EML5: variants seen among roughly 807,000 people sequenced by gnomAD.
The protein encoded by EML5 is echinoderm microtubule-associated protein-like 5.
A neutral mutation model predicts 250.0 loss-of-function variants in EML5; 120 were observed. The ratio of observed to expected loss-of-function variants is 0.48; its 90% confidence interval spans 0.41 to 0.56. The LOEUF is 0.56. Among genes scored for constraint, EML5 ranks in the 20% least tolerant of loss-of-function variants. The probability of loss-of-function intolerance (pLI) is 0.00; values close to 1 mark genes in which losing one functional copy is unlikely to be tolerated. For missense variants in EML5, 2,006 were observed against 2,437.6 expected, an observed-to-expected ratio of 0.82 and a Z score of 3.73; for synonymous variants, 771 against 806.5, an observed-to-expected ratio of 0.96 and a Z score of 0.75.
rs779442335 is a variant in EML5, at chr14:88,708,717, C to T, written c.1658-2291G>A. Among the ~76,000 whole-genome samples the T allele has an allele frequency of 3.9e-5, 6 of 152,016 alleles. No individual in the cohort carries two copies. The East Asian group carries it at 5.8e-4, about 15-fold the overall frequency. Reference sequence around the variant, plus strand: ...AGTGCTTGAGCATCATTTAATAGCACGGAAGTCTGAGCATTCCACCAAACC... The same window carrying T: ...AGTGCTTGAGCATCATTTAATAGCATGGAAGTCTGAGCATTCCACCAAACC... On this transcript the variant is annotated intron_variant, in intron 10 of 43. Transcript: ENST00000554922.
chr14:88,618,313 T>C lies in EML5; in HGVS notation c.5557A>G (p.Lys1853Glu), dbSNP rs1381726137. 1.9e-6 allele frequency: 3 copies of C among 1,613,742 alleles called. No homozygotes were observed. Among genetic ancestry groups the C allele is most frequent in the Non-Finnish European group, 8.5e-7 (1 of 1,179,852 alleles). The change falls in exon 41 of 44, where the codon AAA (lysine) becomes GAA (glutamate). Residue 1853 changes from lysine to glutamate, a missense_variant. Physicochemically the swap from Lys to Glu is moderately conservative, Grantham distance 56. Around this residue, in one of 7 missense-constraint regions of EML5, gnomAD observed 405 missense variants for 523.3 expected, o/e 0.77. Coordinates refer to ENST00000554922, the MANE Select transcript of EML5 (RefSeq NM_183387.3). The part of the protein sequence containing the change: ...SYLQVSSGCY[K>E]RHVYEVPSGK... ...GAAGGCACTTCATAGACATGCCGTT[T>C]ATAGCAGCCACTAGAGACCTTTTTC... is the stretch of plus-strand genomic sequence containing the variant.
chr14:88,762,366 G>C (rs7148308), intron 1 of EML5, among the ~76,000 whole-genome samples: 97,377 of 151,980 alleles, frequency 0.64, 33,269 homozygotes, highest in East Asian at 0.94. Flanking sequence ...AAAAATTAGC[G>C]GGTTGTGGTG....
At position 88,792,160 on chromosome 14, in the gene EML5, G is replaced by A. The variant is rs1336947418; in HGVS notation, c.197+147C>T. 3 of 918,960 alleles carry A rather than the reference G, an allele frequency of 3.3e-6. No individual in the cohort carries two copies. The highest frequency in any genetic ancestry group is 2.9e-5 in the East Asian group (1 of 34,330). The allele number at this position is 918,960 out of a possible 1,614,324, so 56.9% of individuals were successfully genotyped here. ...GAAAGGCATTTGTAGGGTGTTAACT[G>A]GTGGACTCGGGACCAGAGAGACAGC... is the stretch of plus-strand genomic sequence containing the variant. On this transcript the variant is annotated intron_variant, in intron 1 of 43. Transcript: ENST00000554922. The surrounding 1 kb of genome is among the most constrained non-coding windows in gnomAD (Gnocchi z 6.9).
chr14:88,747,535 C>CA (rs1159304761), intron 2 of EML5, among the ~76,000 whole-genome samples: 2 of 151,824 alleles, frequency 1.3e-5, no homozygotes, highest in East Asian at 3.9e-4. Context: ...GTCGGCCTTG[C>CA]AAAAAACATC....
In EML5 at chr14:88,696,538, C is replaced by T. The variant is rs920263889; in HGVS notation, c.2344+309G>A. Among the ~76,000 whole-genome samples, 13 of 152,038 alleles carry T rather than the reference C, an allele frequency of 8.6e-5. 1 individual carries two copies. The highest frequency in any genetic ancestry group is 2.0e-4 in the Admixed American group (3 of 15,264). On this transcript the variant is annotated intron_variant, in intron 15 of 43. Transcript: ENST00000554922. ...GTAAGTGAGATCAGTGCCCTCCCAG[C>T]GTGGGAGATGCAAACCACCTGTGGT...
intron 12 of EML5, 58 bp downstream of exon 12, chr14:88,705,424 G>T (rs1250203732): frequency 6.5e-6 from 8 of 1,226,770 alleles, no homozygotes; most frequent in Non-Finnish European, 8.2e-6. Flanking sequence ...CTAACGGGGA[G>T]CAAGATAAAG....
At chr14:88,748,045 T>C (rs2094034006) in intron 2 of EML5, among the ~76,000 whole-genome samples, 1 of 152,214 alleles carries the variant, frequency 6.6e-6, no homozygotes, top group East Asian at 1.9e-4. Flanking sequence ...TAGGAGGCAA[T>C]TTCTAGACCA....
chr14:88,761,484 AATG>A (rs2094242502), intron 1 of EML5, among the ~76,000 whole-genome samples: 2 of 152,118 alleles, frequency 1.3e-5, no homozygotes, highest in Non-Finnish European at 1.5e-5. Flanking sequence ...GTTTGCTGAG[AATG>A]ATGGTTTCCA....
chr14:88,713,775 C>T (rs945040586), intron 9 of EML5, among the ~76,000 whole-genome samples: 3 of 147,310 alleles, frequency 2.0e-5, no homozygotes, highest in Non-Finnish European at 4.5e-5. Context: ...CTTTTAAAAT[C>T]TTTGGTTGCA....
intron 1 of EML5, among the ~76,000 whole-genome samples, chr14:88,783,183 G>C (rs942279070): frequency 6.6e-6 from 1 of 152,254 alleles, no homozygotes. Flanking sequence ...ACCTCTGCTA[G>C]GGAAGTGCAT....
chr14:88,778,837 G>A lies in EML5; in HGVS notation c.197+13470C>T, dbSNP rs559431434. ...AAATATTTCAGGGATCAATAATGCA[G>A]TTTATCAAAGATATTTGGGTTTTCT... is the stretch of plus-strand genomic sequence containing the variant. On this transcript the variant is annotated intron_variant, in intron 1 of 43. Transcript: ENST00000554922. Among the ~76,000 whole-genome samples the A allele has an allele frequency of 3.9e-5, 6 of 152,320 alleles. No homozygotes were observed. The East Asian group carries it at 1.2e-3, about 29-fold the overall frequency.
At chr14:88,697,039 C>A in intron 14 of EML5, 87 bp from the exon 15 acceptor site, 1 of 843,054 alleles carries the variant, frequency 1.2e-6, no homozygotes, top group Non-Finnish European at 1.7e-6. Flanking sequence ...GAGATTTTTA[C>A]AGCTTGACTT....
intron 7 of EML5, among the ~76,000 whole-genome samples, chr14:88,735,702 A>G (rs1389865198): frequency 6.6e-6 from 1 of 152,210 alleles, no homozygotes; most frequent in Non-Finnish European, 1.5e-5. Context: ...GTACAAAATG[A>G]CAAATGTATA....
At chr14:88,759,492 T>A (rs990163057) in intron 1 of EML5, among the ~76,000 whole-genome samples, 1 of 151,916 alleles carries the variant, frequency 6.6e-6, no homozygotes, top group African/African-American at 2.4e-5. Context: ...AAGACCAGCC[T>A]GGGCAACACA....
At chr14:88,687,359 G>T (rs1431456198) in intron 18 of EML5, 32 bp from the exon 19 acceptor site, 36 of 1,431,402 alleles carry the variant, frequency 2.5e-5, no homozygotes, top group Non-Finnish European at 3.2e-5. Flanking sequence ...AGTTAATAAA[G>T]ATCTAAATAT....
At chr14:88,786,506 A>T (rs1290366599) in intron 1 of EML5, among the ~76,000 whole-genome samples, 1 of 152,154 alleles carries the variant, frequency 6.6e-6, no homozygotes, top group Non-Finnish European at 1.5e-5. Context: ...TATGTCCTAA[A>T]TGCCACTTAA....
chr14:88,747,839 T>C (rs1048789089), intron 2 of EML5, among the ~76,000 whole-genome samples: 1 of 152,104 alleles, frequency 6.6e-6, no homozygotes, highest in Non-Finnish European at 1.5e-5. Context: ...ACACAAAAGA[T>C]GGACTTCTAG....
chr14:88,724,273 C>CAAAAAA (rs1158845753), intron 8 of EML5, among the ~76,000 whole-genome samples: 1 of 80,736 alleles, frequency 1.2e-5, no homozygotes, highest in Non-Finnish European at 2.7e-5. Context: ...GACTCCATAT[C>CAAAAAA]AAAAAAAAAA....
chr14:88,773,082 G>A (rs1411751662), intron 1 of EML5, among the ~76,000 whole-genome samples: 1 of 152,164 alleles, frequency 6.6e-6, no homozygotes. Context: ...TTACAAGGTA[G>A]GCACTATGTT....
Sources: allele counts gnomAD v4.1 joint callset (sites outside exome capture counted in the v4.1 genomes callset), GRCh38; gene constraint gnomAD v4.1.1; regional missense constraint gnomAD v4.1.1; non-coding constraint Gnocchi (gnomAD v3.1); transcripts MANE v1.5; gene names NCBI Gene and HGNC (gene_info 2026-07-23, HGNC 2026-07-21).